The following IMMT variants were observed in gnomAD, a reference collection of about 807,000 sequenced individuals.
The protein encoded by IMMT is inner membrane mitochondrial protein.
A neutral mutation model predicts 92.7 loss-of-function variants in IMMT; 40 were observed. The ratio of observed to expected loss-of-function variants is 0.43; its 90% CI spans 0.34 to 0.56. IMMT has a LOEUF of 0.56. IMMT is among the 20% of genes least tolerant of loss of function. The pLI is 0.03. For missense variants in IMMT, 831 were observed against 912.1 expected (o/e 0.91, Z 1.14); for synonymous variants, 322 against 336.1 (o/e 0.96, Z 0.46).
intron 7 of IMMT, among the ~76,000 whole-genome samples, chr2:86,162,338 G>GTTTTTTTTTTTTTTTTTTTT (rs1346343442): frequency 3.5e-5 from 4 of 113,696 alleles, no homozygotes; most frequent in African/African-American, 1.4e-4. Context: ...TCTAAGGAGA[G>GTTTTTTTTTTTTTTTTTTTT]TTGTTTTTTT....
At chr2:86,149,819 G>C (rs1296088586) in intron 12 of IMMT, among the ~76,000 whole-genome samples, 3 of 149,806 alleles carry the variant, frequency 2.0e-5, no homozygotes, top group Non-Finnish European at 4.4e-5. Context: ...GGCAGAGGTT[G>C]CAATGAGCCA....
chr2:86,167,492 T>G (rs66768831), intron 6 of IMMT, among the ~76,000 whole-genome samples: 64,742 of 135,418 alleles, frequency 0.48, 15,360 homozygotes, highest in Middle Eastern at 0.53. Flanking sequence ...TTGTTTTTTT[T>G]TTTTTTTTTG....
chr2:86,162,496 T>C (rs980168678), intron 7 of IMMT, among the ~76,000 whole-genome samples: 3 of 152,094 alleles, frequency 2.0e-5, no homozygotes, highest in African/African-American at 7.2e-5. Context: ...AAGTCAACTA[T>C]TGTCAAAAAC....
chr2:86,195,288 A>C, intron 1 of IMMT, 50 bp downstream of exon 1: 1 of 1,464,376 alleles, frequency 6.8e-7, no homozygotes, highest in East Asian at 2.7e-5. Context: ...TTTTTCGCTG[A>C]CGGTTCTAGT....
At chr2:86,163,897 T>C (rs1434827126) in intron 7 of IMMT, among the ~76,000 whole-genome samples, 2 of 136,418 alleles carry the variant, frequency 1.5e-5, no homozygotes, top group Non-Finnish European at 3.1e-5. Flanking sequence ...AAGCAGAGGT[T>C]GCAGTGAGCC....
chr2:86,167,172 CTT>C (rs1163472844), intron 6 of IMMT, among the ~76,000 whole-genome samples: 10 of 126,004 alleles, frequency 7.9e-5, no homozygotes, highest in South Asian at 2.5e-4. Flanking sequence ...TATTACACTT[CTT>C]TTTTTTTTTT....
chr2:86,159,994 T>C (rs142031716), intron 8 of IMMT: 67 of 169,896 alleles, frequency 3.9e-4, no homozygotes, highest in Non-Finnish European at 7.2e-4. Flanking sequence ...GAGGAAAGAC[T>C]AGAACGAGAC....
At chr2:86,185,103 C>T (rs1672680334) in intron 1 of IMMT, among the ~76,000 whole-genome samples, 1 of 151,814 alleles carries the variant, frequency 6.6e-6, no homozygotes, top group Non-Finnish European at 1.5e-5. Flanking sequence ...CAGCATGAAC[C>T]CGGGAGGCAG....
chr2:86,156,473 A>C (rs1675863763), intron 10 of IMMT, among the ~76,000 whole-genome samples: 1 of 151,846 alleles, frequency 6.6e-6, no homozygotes, highest in African/African-American at 2.4e-5. Flanking sequence ...ACACGCCTGT[A>C]GTCCCAGCTA....
chr2:86,173,593 A>T, intron 4 of IMMT, 57 bp downstream of exon 4: 13 of 977,428 alleles, frequency 1.3e-5, no homozygotes, highest in Non-Finnish European at 2.0e-5. Flanking sequence ...AAAAAAAAAA[A>T]GAATTGGTGA....
chr2:86,168,649 T>C (rs1676884823), intron 6 of IMMT, among the ~76,000 whole-genome samples: 2 of 150,858 alleles, frequency 1.3e-5, no homozygotes, highest in South Asian at 2.1e-4. Context: ...ATAAATGATA[T>C]CACATGACAA....
At position 86,170,862 on chromosome 2, in the gene IMMT, T is replaced by C. The variant is rs1364514563; in HGVS notation, c.560-18A>G. The C allele has an allele frequency of 1.8e-5, 28 of 1,532,084 alleles. No homozygotes were observed. The highest frequency in any genetic ancestry group is 2.3e-5 in the Non-Finnish European group (26 of 1,127,156). The allele number at this position is 1,532,084 out of a possible 1,614,324, so 94.9% of individuals were successfully genotyped here. ...TGCTTCTTCTTGCAGCAAAAGTAAA[T>C]AAGAGGAAATCAAATTTCAGCATAG... On this transcript the variant is annotated intron_variant, in intron 5 of 14. Coordinates refer to ENST00000410111, the MANE Select transcript of IMMT (RefSeq NM_006839.3).
chr2:86,177,628 A>G (rs1275932763), intron 3 of IMMT, among the ~76,000 whole-genome samples: 10 of 152,124 alleles, frequency 6.6e-5, no homozygotes, highest in Admixed American at 2.0e-4. Flanking sequence ...AAAAAATTTT[A>G]AGGCTGGTGA....
intron 1 of IMMT, among the ~76,000 whole-genome samples, chr2:86,182,333 C>A (rs1310157999): frequency 6.6e-6 from 1 of 152,154 alleles, no homozygotes; most frequent in Non-Finnish European, 1.5e-5. Context: ...CAGAATAACA[C>A]AAACTTCCTT....
chr2:86,159,492 T>C, intron 9 of IMMT, 44 bp downstream of exon 9: 1 of 1,376,994 alleles, frequency 7.3e-7, no homozygotes, highest in Non-Finnish European at 1.0e-6. Context: ...CTTTAAGAGA[T>C]TATATTTTAA....
intron 3 of IMMT, 38 bp from the exon 4 acceptor site, chr2:86,173,799 A>T (rs2105287723): frequency 9.1e-7 from 1 of 1,104,834 alleles, no homozygotes. Flanking sequence ...CAGATATACT[A>T]CTGTTTTTTA....
intron 12 of IMMT, among the ~76,000 whole-genome samples, chr2:86,149,129 G>A (rs1051237725): frequency 5.9e-5 from 9 of 152,082 alleles, no homozygotes; most frequent in African/African-American, 1.7e-4. Context: ...AAATAAACAG[G>A]GCAACATAAC....
At position 86,158,660 on chromosome 2, in the gene IMMT, G is replaced by C; in HGVS notation, c.1094C>G (p.Ala365Gly). Residue 365 changes from alanine (A) to glycine (G), a missense_variant, in exon 10 of 15, where the codon GCT (alanine) becomes GGT (glycine). Transcript: ENST00000410111. ...CAGCTCTCGTTTAAAGTCATCCCGA[G>C]CTTGGACCACCAGCTCATGATACTG... ...VSQYHELVVQ[A>G]RDDFKRELDS... The C allele has an allele frequency of 6.2e-7, 1 of 1,604,558 alleles. No individual in the cohort carries two copies. Among genetic ancestry groups the C allele is most frequent in the South Asian group, 1.1e-5 (1 of 89,114 alleles).
rs192173679 is a variant in IMMT, at chr2:86,154,054, G to A, written c.1163-480C>T. Among the ~76,000 whole-genome samples, 442 of 152,172 alleles carry A rather than the reference G, an allele frequency of 2.9e-3. 2 individuals are homozygous for A. The highest frequency in any genetic ancestry group is 5.0e-3 in the Non-Finnish European group (339 of 68,010). On this transcript the variant is annotated intron_variant, in intron 10 of 14. Coordinates refer to ENST00000410111, the MANE Select transcript of IMMT (RefSeq NM_006839.3). ...ATTTTTGTACTTTTTTGTAGAGAAG[G>A]GGTTTTGCCATGTTGCCCAGGCTGG...
Sources: gnomAD v4.1 joint callset for allele counts (sites outside exome capture counted in the v4.1 genomes callset) on GRCh38, gnomAD v4.1.1 for gene constraint, MANE v1.5 for transcripts, NCBI Gene and HGNC (gene_info 2026-07-23, HGNC 2026-07-21) for gene names.